Variants in POFUT3 observed in about 807,000 individuals in gnomAD.
The protein encoded by POFUT3 is GDP-fucose protein O-fucosyltransferase 3.
At chr8:33,472,811 A>G in the POFUT3 span, among the ~76,000 whole-genome samples, 1 of 152,160 alleles carries the variant, frequency 6.6e-6, no homozygotes, top group Non-Finnish European at 1.5e-5. Context: ...TCAGGCTTCA[A>G]TCTCAGGCAG....
chr8:33,328,068 C>G, the POFUT3 span, among the ~76,000 whole-genome samples: 2 of 152,164 alleles, frequency 1.3e-5, no homozygotes. Context: ...GTCTTTTATT[C>G]TTTTCTGGGA....
At chr8:33,323,695 A>G in the POFUT3 span, among the ~76,000 whole-genome samples, 1 of 152,192 alleles carries the variant, frequency 6.6e-6, no homozygotes, top group Admixed American at 6.6e-5. Flanking sequence ...CGGGGCTATC[A>G]GTTCTAAAAA....
At chr8:33,373,401 T>C in the POFUT3 span, among the ~76,000 whole-genome samples, 10 of 152,206 alleles carry the variant, frequency 6.6e-5, no homozygotes, top group African/African-American at 2.4e-4. Context: ...TGCACTCAAC[T>C]GTCCCCAGTA....
At chr8:33,308,728 G>A in the POFUT3 span, among the ~76,000 whole-genome samples, 1 of 152,084 alleles carries the variant, frequency 6.6e-6, no homozygotes, top group Admixed American at 6.6e-5. Flanking sequence ...GCAAAAACAA[G>A]TTGACCTTTT....
At chr8:33,461,522 C>T in the POFUT3 span, 1 of 1,608,834 alleles carries the variant, frequency 6.2e-7, no homozygotes, top group Non-Finnish European at 8.5e-7. Flanking sequence ...AGCCCAGAGC[C>T]CGAGACAACT....
the POFUT3 span, among the ~76,000 whole-genome samples, chr8:33,320,175 A>T: frequency 2.6e-5 from 4 of 151,976 alleles, no homozygotes; most frequent in Non-Finnish European, 5.9e-5. Flanking sequence ...TGATGATTTG[A>T]TTGATGCTTT....
At chr8:33,312,346 C>T in the POFUT3 span, among the ~76,000 whole-genome samples, 1 of 151,688 alleles carries the variant, frequency 6.6e-6, no homozygotes, top group Non-Finnish European at 1.5e-5. Flanking sequence ...ATGACAGAGG[C>T]AGAGATGGCA....
the POFUT3 span, among the ~76,000 whole-genome samples, chr8:33,344,268 T>C: frequency 6.6e-6 from 1 of 152,228 alleles, no homozygotes; most frequent in Non-Finnish European, 1.5e-5. Context: ...GCCAGCTTCT[T>C]AAATCCTTCA....
chr8:33,430,562 T>C, the POFUT3 span, among the ~76,000 whole-genome samples: 49 of 152,288 alleles, frequency 3.2e-4, 1 homozygote, highest in African/African-American at 1.1e-3. Flanking sequence ...TTTACACTTA[T>C]TGCTCACAGA....
At chr8:33,382,679 T>A in the POFUT3 span, among the ~76,000 whole-genome samples, 3 of 152,108 alleles carry the variant, frequency 2.0e-5, no homozygotes, top group Non-Finnish European at 4.4e-5. Context: ...AAGACCCAAA[T>A]CATCACTGTG....
the POFUT3 span, among the ~76,000 whole-genome samples, chr8:33,465,973 G>T: frequency 1.3e-5 from 2 of 152,190 alleles, no homozygotes; most frequent in Non-Finnish European, 2.9e-5. Flanking sequence ...CATAGCTCAG[G>T]TCTATCATAG....
At chr8:33,454,930 T>C in the POFUT3 span, among the ~76,000 whole-genome samples, 1 of 152,060 alleles carries the variant, frequency 6.6e-6, no homozygotes, top group Non-Finnish European at 1.5e-5. Flanking sequence ...CCTCCCAAAG[T>C]GCTAGGATTA....
the POFUT3 span, among the ~76,000 whole-genome samples, chr8:33,317,057 A>G: frequency 6.6e-6 from 1 of 152,096 alleles, no homozygotes; most frequent in African/African-American, 2.4e-5. Flanking sequence ...AAAATAAAGG[A>G]AAATCTTGAG....
At chr8:33,333,700 C>G in the POFUT3 span, among the ~76,000 whole-genome samples, 2 of 152,032 alleles carry the variant, frequency 1.3e-5, no homozygotes, top group Non-Finnish European at 2.9e-5. Flanking sequence ...AGAGGGATGC[C>G]AAGAAGTGAG....
chr8:33,457,024 C>G, the POFUT3 span, among the ~76,000 whole-genome samples: 2 of 152,108 alleles, frequency 1.3e-5, no homozygotes, highest in Admixed American at 6.6e-5. Flanking sequence ...CCACCTCAGC[C>G]TCCTAAAGTG....
the POFUT3 span, among the ~76,000 whole-genome samples, chr8:33,332,460 G>A: frequency 1.5e-4 from 22 of 150,940 alleles, no homozygotes; most frequent in African/African-American, 5.1e-4. Flanking sequence ...AGTCAAGCCT[G>A]GGCAACAGAG....
the POFUT3 span, among the ~76,000 whole-genome samples, chr8:33,465,132 C>T: frequency 3.3e-3 from 504 of 152,194 alleles, 4 homozygotes; most frequent in Non-Finnish European, 5.2e-3. Context: ...CCTTGCATAA[C>T]AGAAAGATTA....
the POFUT3 span, among the ~76,000 whole-genome samples, chr8:33,467,045 G>T: frequency 6.6e-6 from 1 of 151,978 alleles, no homozygotes; most frequent in Non-Finnish European, 1.5e-5. Context: ...GGCAGAGGTT[G>T]CAGTGACCTG....
the POFUT3 span, among the ~76,000 whole-genome samples, chr8:33,469,946 C>A: frequency 6.6e-6 from 1 of 151,218 alleles, no homozygotes; most frequent in African/African-American, 2.4e-5. Context: ...CAGGTGTGCA[C>A]CACCACACCC....
Sources: gnomAD v4.1 joint callset for allele counts (sites outside exome capture counted in the v4.1 genomes callset) on GRCh38, gnomAD v4.1.1 for gene constraint, MANE v1.5 for transcripts, NCBI Gene and HGNC (gene_info 2026-07-23, HGNC 2026-07-21) for gene names.